The following ZC4H2 variants were observed in gnomAD, a reference collection of about 807,000 sequenced individuals.
ZC4H2 encodes zinc finger C4H2-type containing, also known as zinc finger C4H2 domain-containing protein.
For synonymous variants in ZC4H2, 84 were observed against 66.3 expected, an observed-to-expected ratio of 1.27 and a Z score of -1.30; for missense variants, 137 against 173.9, an observed-to-expected ratio of 0.79 and a Z score of 1.19.
At chrX:64,963,548 T>A (rs1931480570) in intron 1 of ZC4H2, among the ~76,000 whole-genome samples, 1 of 107,924 alleles carries the variant, frequency 9.3e-6, no homozygotes, top group South Asian at 3.7e-4. Flanking sequence ...AATGGATTAA[T>A]TTGTATAAAA....
intron 1 of ZC4H2, among the ~76,000 whole-genome samples, chrX:64,932,984 G>A (rs1929826322): frequency 9.0e-6 from 1 of 111,201 alleles, no homozygotes; most frequent in South Asian, 3.7e-4. Flanking sequence ...TTCTTTCTTA[G>A]AATCACCACT....
At chrX:64,918,919 C>T in intron 4 of ZC4H2, 123 bp downstream of exon 4, 1 of 915,415 alleles carries the variant, frequency 1.1e-6, no homozygotes, top group Non-Finnish European at 1.5e-6. Flanking sequence ...CACTGTGTCA[C>T]AAGCAAAGGC....
chrX:64,951,188 T>G (rs778238108), intron 1 of ZC4H2, among the ~76,000 whole-genome samples: 2 of 112,626 alleles, frequency 1.8e-5, no homozygotes, highest in South Asian at 7.3e-4. Flanking sequence ...TGCCACATTT[T>G]CTTAATCCAG....
intron 1 of ZC4H2, among the ~76,000 whole-genome samples, chrX:65,017,328 T>TAA (rs2147289453): frequency 8.9e-6 from 1 of 112,317 alleles, no homozygotes; most frequent in Admixed American, 9.4e-5. Flanking sequence ...ACTTGCTATT[T>TAA]TATTTCACAC....
In ZC4H2 at chrX:64,919,023, C is replaced by G. The variant is rs372437102; in HGVS notation, c.561+19G>C. The G allele has an allele frequency of 1.7e-5, 19 of 1,145,084 alleles. No homozygotes were observed. The African/African-American group carries it at 2.5e-4, about 15-fold the overall frequency. 94.4% of individuals were successfully genotyped at this position (1,145,084 alleles called of 1,213,427 possible). A position where few individuals can be genotyped will look rare whatever the true frequency, so the allele number is the denominator to read the frequency against. On this transcript the variant is annotated intron_variant, in intron 4 of 4. Coordinates refer to ENST00000374839, the MANE Select transcript of ZC4H2 (RefSeq NM_018684.4). ...GAGGATACTTTGCTTCCTCCACAAC[C>G]ATTACCCAGCTCACTTACCTTCATA...
At chrX:64,941,619 T>A (rs1171365874) in intron 1 of ZC4H2, among the ~76,000 whole-genome samples, 2 of 112,417 alleles carry the variant, frequency 1.8e-5, no homozygotes, top group Non-Finnish European at 3.8e-5. Flanking sequence ...TTGAATTTTA[T>A]CGAATGTCTT....
At position 65,020,599 on chromosome X, in the gene ZC4H2, C is replaced by T. The variant is rs189271340; in HGVS notation, c.-272+14030G>A. Among the ~76,000 whole-genome samples, 427 of 111,784 alleles carry T rather than the reference C, an allele frequency of 3.8e-3. 1 individual carries two copies. Among genetic ancestry groups the T allele is most frequent in the Middle Eastern group, 0.032 (7 of 218 alleles). ...GCAAAAACACACCAAATTGTAAAGA[C>T]CATTGACACTCTGAAGAAACTGCAT... On this transcript the variant is annotated intron_variant, in intron 1 of 4. Coordinates refer to the ZC4H2 transcript ENST00000337990.
chrX:64,954,215 T>C (rs1230576750), intron 1 of ZC4H2, among the ~76,000 whole-genome samples: 2 of 101,329 alleles, frequency 2.0e-5, no homozygotes, highest in Admixed American at 2.2e-4. Flanking sequence ...ATATACCTAA[T>C]GTAAATGACG....
intron 4 of ZC4H2, 120 bp downstream of exon 4, chrX:64,918,922 G>A (rs771956899): frequency 3.2e-6 from 3 of 927,686 alleles, no homozygotes; most frequent in East Asian, 6.8e-5. Flanking sequence ...TGTGTCACAA[G>A]CAAAGGCCAT....
chrX:64,928,960 C>T (rs866117158), intron 1 of ZC4H2, among the ~76,000 whole-genome samples: 2 of 104,405 alleles, frequency 1.9e-5, no homozygotes, highest in Non-Finnish European at 3.9e-5. Flanking sequence ...ATGATCTCGG[C>T]TCACTGCAAC....
At position 64,917,526 on chromosome X, in the gene ZC4H2, G is replaced by C. The variant is rs1228814814; in HGVS notation, c.*257C>G. The C allele has an allele frequency of 6.1e-6, 2 of 329,179 alleles. No individual in the cohort carries two copies. Among genetic ancestry groups the C allele is most frequent in the Non-Finnish European group, 1.0e-5 (2 of 190,513 alleles). 27.1% of individuals were successfully genotyped at this position (329,179 alleles called of 1,213,427 possible). A position where few individuals can be genotyped will look rare whatever the true frequency, so the allele number is the denominator to read the frequency against. On this transcript the variant is annotated 3_prime_UTR_variant, in exon 5 of 5. Transcript: ENST00000374839. ...TTGCCCTTCCCTTAGCTCCAAACAA[G>C]GGCAGGGGTTGAAATGTGAGTGGGA...
intron 1 of ZC4H2, among the ~76,000 whole-genome samples, chrX:64,953,551 G>T (rs1930977107): frequency 8.9e-6 from 1 of 112,456 alleles, no homozygotes; most frequent in African/African-American, 3.2e-5. Context: ...CATTTATGCA[G>T]CCATAAGTCA....
chrX:64,925,361 T>C (rs1041702697), intron 1 of ZC4H2, among the ~76,000 whole-genome samples: 5 of 112,368 alleles, frequency 4.4e-5, no homozygotes, highest in Non-Finnish European at 9.4e-5. Context: ...AACCTCAATA[T>C]TATGCAACAT....
chrX:65,000,723 A>G lies in ZC4H2; in HGVS notation c.-272+33906T>C, dbSNP rs972654229. Reference sequence around the variant, plus strand: ...AGACGAATTGCTAACTAGAATAACCAGTTTAGAGAAGAACATGAATGACCT... The same window carrying G: ...AGACGAATTGCTAACTAGAATAACCGGTTTAGAGAAGAACATGAATGACCT... On this transcript the variant is annotated intron_variant, in intron 1 of 4. Transcript: ENST00000337990. Among the ~76,000 whole-genome samples, 3 of 112,259 alleles carry G rather than the reference A, an allele frequency of 2.7e-5. No homozygotes were observed. The East Asian group carries it at 8.4e-4, about 31-fold the overall frequency.
intron 1 of ZC4H2, among the ~76,000 whole-genome samples, chrX:64,942,025 C>CT (rs878889432): frequency 1.8e-5 from 2 of 108,471 alleles, no homozygotes; most frequent in African/African-American, 3.3e-5. Flanking sequence ...TGGCCCTGGA[C>CT]TTTTTTTTGG....
At chrX:65,012,425 T>C (rs1374124620) in intron 1 of ZC4H2, among the ~76,000 whole-genome samples, 1 of 111,235 alleles carries the variant, frequency 9.0e-6, no homozygotes, top group Admixed American at 9.5e-5. Context: ...AATGATACAG[T>C]AGAGACTCTT....
At chrX:64,923,042 T>C (rs1456408604) in intron 1 of ZC4H2, among the ~76,000 whole-genome samples, 1 of 111,748 alleles carries the variant, frequency 8.9e-6, no homozygotes, top group Non-Finnish European at 1.9e-5. Context: ...TACTTGGGAA[T>C]ATATTTTAAG....
intron 1 of ZC4H2, among the ~76,000 whole-genome samples, chrX:64,983,913 C>T (rs191116531): frequency 1.8e-5 from 2 of 111,695 alleles, no homozygotes; most frequent in Admixed American, 9.5e-5. Flanking sequence ...CACTTCAACA[C>T]GTTTATTAGT....
chrX:65,032,726 C>CTTCT lies in ZC4H2; in HGVS notation c.-272+1899_-272+1902dup, dbSNP rs1329514772. On this transcript the variant is annotated intron_variant, in intron 1 of 4. Coordinates refer to the ZC4H2 transcript ENST00000337990. ...CCATTTGAGCTCTCCTCTAATGTTTCTTCTTTCTTTCCTTCCTTCCTTCCT... is the reference window on the plus strand; with the variant it reads ...CCATTTGAGCTCTCCTCTAATGTTTCTTCTTTCTTTCTTTCCTTCCTTCCTTCCT... Among the ~76,000 whole-genome samples, 138 of 92,978 alleles carry CTTCT rather than the reference C, an allele frequency of 1.5e-3. 1 individual carries two copies. The highest frequency in any genetic ancestry group is 5.0e-3 in the African/African-American group (126 of 25,433). 80.7% of individuals were successfully genotyped at this position (92,978 alleles called of 115,157 possible).
Sources: gnomAD v4.1 joint callset for allele counts (sites outside exome capture counted in the v4.1 genomes callset) on GRCh38, gnomAD v4.1.1 for gene constraint, MANE v1.5 for transcripts, NCBI Gene and HGNC (gene_info 2026-07-23, HGNC 2026-07-21) for gene names.